HSD17B2: variants seen among roughly 807,000 people sequenced by gnomAD.
HSD17B2 encodes hydroxysteroid 17-beta dehydrogenase 2.
HSD17B2 carries 32 observed loss-of-function variants against 26.9 expected under a neutral mutation model. That is an observed-to-expected ratio of 1.19 (90% CI 0.90 to 1.60). The LOEUF (loss-of-function observed/expected upper bound fraction) is 1.60. Among genes scored for constraint, HSD17B2 ranks in the 40% most tolerant of loss-of-function variants. The pLI, the probability that HSD17B2 is intolerant of heterozygous loss-of-function variation, is 0.00. For missense variants in HSD17B2, 613 were observed against 468.6 expected, an observed-to-expected ratio of 1.31 and a Z score of -2.85; for synonymous variants, 246 against 186.7, an observed-to-expected ratio of 1.32 and a Z score of -2.59.
At chr16:82,054,156 C>A (rs918986275) in intron 1 of HSD17B2, among the ~76,000 whole-genome samples, 2 of 147,314 alleles carry the variant, frequency 1.4e-5, no homozygotes, top group African/African-American at 2.5e-5. Context: ...GTTATCAGTC[C>A]AAACATGTAA....
intron 3 of HSD17B2, 137 bp from the exon 4 acceptor site, chr16:82,090,765 C>T: frequency 1.3e-6 from 1 of 763,982 alleles, no homozygotes; most frequent in African/African-American, 1.8e-5. Flanking sequence ...CACCTGGGCT[C>T]AGGGGGCCTT....
At chr16:82,072,960 G>C (rs541392361) in intron 3 of HSD17B2, among the ~76,000 whole-genome samples, 1 of 152,132 alleles carries the variant, frequency 6.6e-6, no homozygotes, top group Non-Finnish European at 1.5e-5. Context: ...AGCTACTCAG[G>C]AGGCTGAGGT....
chr16:82,063,977 TG>T (rs1176498215), intron 1 of HSD17B2, among the ~76,000 whole-genome samples: 1 of 152,202 alleles, frequency 6.6e-6, no homozygotes, highest in Non-Finnish European at 1.5e-5. Context: ...GGGGCACCTA[TG>T]AGTCTCATCT....
At chr16:82,073,284 G>A (rs1206623746) in intron 3 of HSD17B2, among the ~76,000 whole-genome samples, 2 of 151,630 alleles carry the variant, frequency 1.3e-5, no homozygotes, top group African/African-American at 4.9e-5. Flanking sequence ...GAGTGCAGTG[G>A]CGCGATCTCG....
chr16:82,071,062 C>T lies in HSD17B2; in HGVS notation c.599C>T (p.Thr200Ile), dbSNP rs997342495. The T allele has an allele frequency of 5.6e-6, 9 of 1,614,078 alleles. No individual in the cohort carries two copies. The highest frequency in any genetic ancestry group is 6.8e-6 in the Non-Finnish European group (8 of 1,180,034). ...AACTTCTTTGGAACTGTGGAGGTCA[C>T]AAAGACGTTTTTGCCTCTTCTTAGA... ...AVNFFGTVEV[T>I]KTFLPLLRKS... Residue 200 changes from threonine (T) to isoleucine (I), a missense_variant, in exon 3 of 5, where the codon ACA becomes ATA. Thr to Ile is a moderately conservative substitution (Grantham distance 89, BLOSUM62 -1). Transcript: ENST00000199936.
rs8191139 is a variant in HSD17B2, at chr16:82,068,836, G to A, written c.478+454G>A. Among the ~76,000 whole-genome samples, 284 of 152,132 alleles carry A rather than the reference G, an allele frequency of 1.9e-3. 3 individuals carry two copies. The highest frequency in any genetic ancestry group is 5.5e-3 in the African/African-American group (229 of 41,488). On this transcript the variant is annotated intron_variant, in intron 2 of 4. Transcript: ENST00000199936. The stretch of plus-strand genomic sequence containing the variant: ...TTCTCTTCCTCACCTTCAATTTGCC[G>A]TTGGCTCTCACTCTGCCTCCCTAAC...
intron 1 of HSD17B2, among the ~76,000 whole-genome samples, chr16:82,044,842 G>A (rs1011430494): frequency 3.3e-5 from 5 of 152,140 alleles, no homozygotes; most frequent in Non-Finnish European, 7.4e-5. Flanking sequence ...TTCTGACTGG[G>A]CATGGTGGCT....
At chr16:82,076,603 T>A (rs1008566901) in intron 3 of HSD17B2, among the ~76,000 whole-genome samples, 2 of 152,118 alleles carry the variant, frequency 1.3e-5, no homozygotes, top group Admixed American at 6.5e-5. Flanking sequence ...TTAGACAGAG[T>A]CTCGCTCTGT....
At chr16:82,081,158 C>G (rs1904368394) in intron 3 of HSD17B2, among the ~76,000 whole-genome samples, 1 of 152,168 alleles carries the variant, frequency 6.6e-6, no homozygotes, top group South Asian at 2.1e-4. Context: ...GATCTGCCCT[C>G]CTTGGAAGGC....
chr16:82,083,203 C>T (rs1231853871), intron 3 of HSD17B2, among the ~76,000 whole-genome samples: 3 of 152,154 alleles, frequency 2.0e-5, no homozygotes, highest in African/African-American at 7.2e-5. Context: ...TGGGGAGAAA[C>T]ATTACTTCTT....
chr16:82,059,969 C>T (rs541426441), intron 1 of HSD17B2, among the ~76,000 whole-genome samples: 78 of 152,246 alleles, frequency 5.1e-4, no homozygotes, highest in African/African-American at 1.9e-3. Flanking sequence ...CCTCCTCACC[C>T]GACAACTGTT....
chr16:82,095,428 AG>A (rs1224905765), intron 4 of HSD17B2: 1 of 152,908 alleles, frequency 6.5e-6, no homozygotes, highest in Non-Finnish European at 1.5e-5. Flanking sequence ...CACCGAAGCT[AG>A]CAAGGGCTCA....
intron 3 of HSD17B2, among the ~76,000 whole-genome samples, chr16:82,086,431 C>T (rs944179215): frequency 6.6e-6 from 1 of 152,138 alleles, no homozygotes; most frequent in Non-Finnish European, 1.5e-5. Context: ...CTTCAAGTCC[C>T]TTATTTTTAG....
At chr16:82,043,684 CAAAAAA>C (rs398030034) in intron 1 of HSD17B2, among the ~76,000 whole-genome samples, 5 of 22,536 alleles carry the variant, frequency 2.2e-4, no homozygotes, top group East Asian at 1.4e-3. Context: ...AACTCTGTCT[CAAAAAA>C]AAAAAAAAAA....
At chr16:82,037,237 G>T (rs1401079226) in intron 1 of HSD17B2, among the ~76,000 whole-genome samples, 1 of 152,184 alleles carries the variant, frequency 6.6e-6, no homozygotes, top group Non-Finnish European at 1.5e-5. Flanking sequence ...ATTTAAGGAT[G>T]ACTGAAATGT....
chr16:82,084,138 T>A (rs1597137276), intron 3 of HSD17B2, among the ~76,000 whole-genome samples: 1 of 152,110 alleles, frequency 6.6e-6, no homozygotes, highest in South Asian at 2.1e-4. Context: ...GTGACCTGGG[T>A]CAGGTCACCT....
At chr16:82,089,112 G>A (rs1485604860) in intron 3 of HSD17B2, among the ~76,000 whole-genome samples, 1 of 151,996 alleles carries the variant, frequency 6.6e-6, no homozygotes, top group African/African-American at 2.4e-5. Context: ...TTTTGATGGG[G>A]GTGGGCACAA....
intron 2 of HSD17B2, among the ~76,000 whole-genome samples, chr16:82,068,790 C>A (rs541814537): frequency 3.3e-5 from 5 of 152,212 alleles, no homozygotes; most frequent in Non-Finnish European, 5.9e-5. Context: ...CTACGCTCCA[C>A]GGAACCCTGT....
chr16:82,078,367 T>C (rs940580914), intron 3 of HSD17B2, among the ~76,000 whole-genome samples: 13 of 152,160 alleles, frequency 8.5e-5, no homozygotes, highest in African/African-American at 2.7e-4. Flanking sequence ...ATGGCTTTCA[T>C]CCAAAAGTCA....
Sources: gnomAD v4.1 joint callset for allele counts (sites outside exome capture counted in the v4.1 genomes callset) on GRCh38, gnomAD v4.1.1 for gene constraint, MANE v1.5 for transcripts, NCBI Gene and HGNC (gene_info 2026-07-23, HGNC 2026-07-21) for gene names.